The following HEATR4 variants were observed in gnomAD, a reference collection of about 807,000 sequenced individuals.
The protein encoded by HEATR4 is HEAT repeat containing 4.
Under a neutral mutation model 108.8 loss-of-function variants are expected in HEATR4, and 95 were observed. The ratio of observed to expected loss-of-function variants is 0.87; its 90% CI spans 0.74 to 1.04. The LOEUF (loss-of-function observed/expected upper bound fraction) is 1.04, where lower values mean the gene tolerates loss of function less well. Ranked by LOEUF, HEATR4 falls within the 50% of genes least tolerant of loss-of-function variation. The pLI is 0.00. For missense variants in HEATR4, 1,152 were observed against 1,253.8 expected (o/e 0.92, Z 1.23); for synonymous variants, 443 against 459.4 (o/e 0.96, Z 0.46).
rs1317646775 is a variant in HEATR4, at chr14:73,522,544, C to A, written c.609G>T (p.Glu203Asp). The change falls in exon 3 of 18, where the codon GAG (glutamate) becomes GAT (aspartate). Residue 203 changes from glutamate to aspartate, a missense_variant. Coordinates refer to ENST00000553558, the MANE Select transcript of HEATR4 (RefSeq NM_001220484.1). ...LPPEKEARAW[E>D]ATVLEKLNER... ...CGTTCAGCTTTTCCAGCACAGTGGC[C>A]TCCCACGCTCTGGCCTCCTTCTCAG... is the stretch of plus-strand genomic sequence containing the variant. 2 of 1,614,162 alleles carry A rather than the reference C, an allele frequency of 1.2e-6. No individual in the cohort carries two copies. The highest frequency in any genetic ancestry group is 1.7e-6 in the Non-Finnish European group (2 of 1,180,006).
chr14:73,624,381 G>A, the HEATR4 span, among the ~76,000 whole-genome samples: 7 of 151,912 alleles, frequency 4.6e-5, no homozygotes, highest in Admixed American at 1.3e-4. Flanking sequence ...CACCTGCCTC[G>A]GGCTTCCAAA....
At chr14:73,586,702 G>GA in the HEATR4 span, among the ~76,000 whole-genome samples, 2,172 of 122,912 alleles carry the variant, frequency 0.018, 15 homozygotes, top group Middle Eastern at 0.035. Context: ...GACTCTGTCT[G>GA]AAAAAAAAAA....
In HEATR4 at chr14:73,489,600, A is replaced by C. The variant is rs545596846; in HGVS notation, c.2844+3466T>G. ...TATCTTAAATGATTCAAATGAAGAC[A>C]AGGAATCTTTATGTACAAAGCAATT... On this transcript the variant is annotated intron_variant, in intron 17 of 17. Transcript: ENST00000553558. 6.6e-5 allele frequency among the ~76,000 whole-genome samples: 10 copies of C among 152,330 alleles called. No individual in the cohort carries two copies. The East Asian group carries it at 1.9e-3, about 29-fold the overall frequency.
chr14:73,563,715 C>T (rs745442585), upstream of HEATR4, among the ~76,000 whole-genome samples: 4 of 151,952 alleles, frequency 2.6e-5, no homozygotes, highest in Non-Finnish European at 4.4e-5. Context: ...GTAATTCTAG[C>T]GCTTTGGGAG....
the HEATR4 span, chr14:73,619,919 C>CTCT: frequency 2.6e-6 from 3 of 1,174,592 alleles, no homozygotes; most frequent in Non-Finnish European, 3.4e-6. Context: ...TTTCTTTTCT[C>CTCT]TTTTTTTTTT....
chr14:73,493,140 A>G lies in HEATR4; in HGVS notation c.2786-16T>C. 6.2e-7 allele frequency: 1 copy of G among 1,611,100 alleles called. No individual in the cohort carries two copies. The highest frequency in any genetic ancestry group is 2.2e-5 in the East Asian group (1 of 44,844). ...ACCATCTCATCTAGGTACAAAAGGA[A>G]AAGGAGAAGTTGGAGGTGGAAAAAA... On this transcript the variant is annotated splice_polypyrimidine_tract_variant and intron_variant, in intron 16 of 17. Transcript: ENST00000553558.
the HEATR4 span, among the ~76,000 whole-genome samples, chr14:73,563,986 G>A: frequency 6.6e-6 from 1 of 151,664 alleles, no homozygotes; most frequent in Non-Finnish European, 1.5e-5. Context: ...GGGTGACAGA[G>A]TAAGACCTAG....
Position 73,520,878 on chromosome 14 carries a change from T to C in HEATR4, c.1043A>G (p.Asn348Ser). The C allele has an allele frequency of 6.2e-7, 1 of 1,613,968 alleles. No homozygotes were observed. Among genetic ancestry groups the C allele is most frequent in the East Asian group, 2.2e-5 (1 of 44,860 alleles). Residue 348 changes from asparagine to serine, a missense_variant, in exon 4 of 18, where the codon AAC (asparagine) becomes AGC (serine). Physicochemically the swap from Asn to Ser is conservative, Grantham distance 46. Coordinates refer to ENST00000553558, the MANE Select transcript of HEATR4 (RefSeq NM_001220484.1). ...RAGKFAYSTD[N>S]TFEQEIYFDE... ...AAAGTAAATCTCCTGTTCAAAGGTG[T>C]TGTCTGTGGAGTAGGCAAACTTTCC...
the HEATR4 span, among the ~76,000 whole-genome samples, chr14:73,588,455 C>T: frequency 1.3e-5 from 2 of 152,178 alleles, no homozygotes; most frequent in Non-Finnish European, 2.9e-5. Flanking sequence ...ACTGCCTCTC[C>T]CCCTGCAGCT....
intron 9 of HEATR4, 143 bp downstream of exon 9, chr14:73,507,991 C>G: frequency 2.8e-6 from 2 of 724,938 alleles, no homozygotes; most frequent in Non-Finnish European, 4.7e-6. Context: ...AGTGATCCAC[C>G]TGCCTCGGCC....
intron 17 of HEATR4, among the ~76,000 whole-genome samples, chr14:73,480,168 A>G (rs1885191133): frequency 6.6e-6 from 1 of 152,200 alleles, no homozygotes; most frequent in African/African-American, 2.4e-5. Flanking sequence ...TTGGCTGGGC[A>G]CGGTGGCTCA....
At chr14:73,494,998 A>G (rs1886016917) in intron 16 of HEATR4, among the ~76,000 whole-genome samples, 1 of 151,904 alleles carries the variant, frequency 6.6e-6, no homozygotes, top group Non-Finnish European at 1.5e-5. Flanking sequence ...AAGTCAGTTC[A>G]AATAGAGATA....
At chr14:73,574,580 TTGA>T in the HEATR4 span, among the ~76,000 whole-genome samples, 3 of 151,928 alleles carry the variant, frequency 2.0e-5, no homozygotes, top group Non-Finnish European at 4.4e-5. Context: ...GATGTACTTG[TTGA>T]TGATGACTCA....
At chr14:73,619,858 G>A in the HEATR4 span, 25 of 1,542,402 alleles carry the variant, frequency 1.6e-5, no homozygotes, top group South Asian at 2.5e-5. Flanking sequence ...CCACAGACCA[G>A]ATACCATTAA....
At chr14:73,573,391 C>T in the HEATR4 span, 41 of 1,613,560 alleles carry the variant, frequency 2.5e-5, no homozygotes, top group African/African-American at 4.8e-4. Flanking sequence ...TCCCAAGAAC[C>T]TGGGCCCTTT....
the HEATR4 span, among the ~76,000 whole-genome samples, chr14:73,624,220 T>C: frequency 7.9e-5 from 12 of 152,084 alleles, no homozygotes; most frequent in Admixed American, 7.2e-4. Flanking sequence ...CCTCCCAGAT[T>C]CAAGTGATTC....
the HEATR4 span, chr14:73,582,643 C>T: frequency 6.6e-6 from 1 of 151,990 alleles, no homozygotes; most frequent in Non-Finnish European, 1.5e-5. Flanking sequence ...ATGTAATATG[C>T]TAATGAGACA....
At chr14:73,590,024 C>T in the HEATR4 span, among the ~76,000 whole-genome samples, 6 of 152,124 alleles carry the variant, frequency 3.9e-5, no homozygotes, top group African/African-American at 1.2e-4. Flanking sequence ...AACAGCAGTG[C>T]GGGCCCAAAA....
intron 10 of HEATR4, among the ~76,000 whole-genome samples, chr14:73,505,366 A>C (rs1233107910): frequency 6.6e-6 from 1 of 151,902 alleles, no homozygotes; most frequent in East Asian, 1.9e-4. Flanking sequence ...AATTTTGTGA[A>C]AGTTGGGACA....
Sources: allele counts gnomAD v4.1 joint callset (sites outside exome capture counted in the v4.1 genomes callset), GRCh38; gene constraint gnomAD v4.1.1; transcripts MANE v1.5; gene names NCBI Gene and HGNC (gene_info 2026-07-23, HGNC 2026-07-21).